Variants in CCSER1 observed in about 807,000 individuals in gnomAD.
CCSER1 encodes coiled-coil serine rich protein 1, also known as serine-rich coiled-coil domain-containing protein 1.
A neutral mutation model predicts 82.0 loss-of-function variants in CCSER1; 41 were observed. The ratio of observed to expected loss-of-function variants is 0.50; its 90% CI spans 0.39 to 0.65. CCSER1 has a LOEUF of 0.65. Among genes scored for constraint, CCSER1 ranks in the 30% least tolerant of loss-of-function variants. The probability of loss-of-function intolerance (pLI) is 0.00; values close to 1 mark genes in which losing one functional copy is unlikely to be tolerated. For synonymous variants in CCSER1, 414 were observed against 383.9 expected (o/e 1.08, Z -0.92); for missense variants, 1,119 against 1,064.2 (o/e 1.05, Z -0.72).
At chr4:90,446,277 C>T (rs1042614804) in intron 4 of CCSER1, among the ~76,000 whole-genome samples, 1 of 152,074 alleles carries the variant, frequency 6.6e-6, no homozygotes, top group Non-Finnish European at 1.5e-5. Context: ...AGAATTTGAG[C>T]TTTGGGGAGA....
intron 1 of CCSER1, among the ~76,000 whole-genome samples, chr4:90,144,040 G>A (rs1229837153): frequency 1.3e-5 from 2 of 152,128 alleles, no homozygotes; most frequent in African/African-American, 4.8e-5. Flanking sequence ...CCCATTACTT[G>A]TAAAGCCACT....
chr4:90,751,158 A>G (rs1173631449), intron 7 of CCSER1, among the ~76,000 whole-genome samples: 4 of 152,244 alleles, frequency 2.6e-5, no homozygotes, highest in African/African-American at 9.6e-5. Flanking sequence ...CTACACATAT[A>G]AAAAAGTAAG....
rs539912349 is a variant in CCSER1, at chr4:91,206,798, A to G, written c.2217+120804A>G. 3.3e-5 allele frequency among the ~76,000 whole-genome samples: 5 copies of G among 151,884 alleles called. No individual in the cohort carries two copies. In the East Asian group the frequency reaches 9.7e-4, roughly 29 times the overall value. On this transcript the variant is annotated intron_variant, in intron 10 of 10. Coordinates refer to ENST00000509176, the MANE Select transcript of CCSER1 (RefSeq NM_001145065.2). ...CTGTTTCACAAGAGATACGAGAAGT[A>G]CCTCTACTTTACTCTGCATATACCT...
At chr4:91,283,844 C>T (rs1210442062) in intron 10 of CCSER1, among the ~76,000 whole-genome samples, 5 of 152,032 alleles carry the variant, frequency 3.3e-5, no homozygotes, top group Non-Finnish European at 7.4e-5. Context: ...TACCTTCTCG[C>T]AGGCAATTAT....
At chr4:90,823,750 T>A (rs997198371) in intron 8 of CCSER1, among the ~76,000 whole-genome samples, 1 of 151,962 alleles carries the variant, frequency 6.6e-6, no homozygotes, top group Non-Finnish European at 1.5e-5. Context: ...TTTTTTATTT[T>A]AAAATGTTAA....
At chr4:91,310,229 C>T (rs189509708) in intron 10 of CCSER1, among the ~76,000 whole-genome samples, 1 of 151,790 alleles carries the variant, frequency 6.6e-6, no homozygotes, top group Non-Finnish European at 1.5e-5. Flanking sequence ...CAACATTGGC[C>T]TGATTGGCTG....
chr4:91,437,697 G>T (rs555625937), intron 10 of CCSER1, among the ~76,000 whole-genome samples: 2 of 152,198 alleles, frequency 1.3e-5, no homozygotes, highest in Admixed American at 6.5e-5. Context: ...CTCAGGAAGC[G>T]CAAGGGGTCA....
intron 9 of CCSER1, among the ~76,000 whole-genome samples, chr4:90,956,139 A>G (rs1028517766): frequency 3.3e-5 from 5 of 152,324 alleles, no homozygotes; most frequent in Non-Finnish European, 7.3e-5. Flanking sequence ...ATTAATTTCC[A>G]TAAATAAAAA....
At chr4:91,275,918 C>T (rs1022981552) in intron 10 of CCSER1, among the ~76,000 whole-genome samples, 9 of 152,068 alleles carry the variant, frequency 5.9e-5, no homozygotes, top group Non-Finnish European at 1.3e-4. Context: ...GAAGGGACTC[C>T]TTTACTCCAA....
At chr4:90,691,841 C>A (rs890331420) in intron 6 of CCSER1, among the ~76,000 whole-genome samples, 2 of 151,768 alleles carry the variant, frequency 1.3e-5, no homozygotes, top group Admixed American at 6.6e-5. Context: ...TTTCAATCCT[C>A]ACCCCCATTC....
At chr4:91,528,474 A>G (rs950853944) in intron 10 of CCSER1, among the ~76,000 whole-genome samples, 1 of 152,094 alleles carries the variant, frequency 6.6e-6, no homozygotes, top group East Asian at 1.9e-4. Flanking sequence ...TCCTTTTTCC[A>G]AAAAAAGAGA....
intron 1 of CCSER1, among the ~76,000 whole-genome samples, chr4:90,207,645 G>T (rs1356206333): frequency 6.6e-6 from 1 of 152,094 alleles, no homozygotes; most frequent in Non-Finnish European, 1.5e-5. Context: ...TCTACCTTTG[G>T]TCTTTGATGT....
At chr4:91,566,115 A>T (rs1349966035) in intron 10 of CCSER1, among the ~76,000 whole-genome samples, 1 of 151,978 alleles carries the variant, frequency 6.6e-6, no homozygotes, top group African/African-American at 2.4e-5. Flanking sequence ...GTTGAATTTT[A>T]TCAAAGGCCT....
intron 7 of CCSER1, among the ~76,000 whole-genome samples, chr4:90,804,903 G>A (rs899624922): frequency 6.6e-6 from 1 of 152,062 alleles, no homozygotes; most frequent in Non-Finnish European, 1.5e-5. Context: ...TCTTTAGTAG[G>A]TTATATCATA....
chr4:91,023,295 G>A (rs1420085085), intron 9 of CCSER1, among the ~76,000 whole-genome samples: 1 of 152,040 alleles, frequency 6.6e-6, no homozygotes, highest in Non-Finnish European at 1.5e-5. Context: ...TCACAGAATT[G>A]GAAAAAACTA....
At chr4:90,570,181 A>G (rs1034645846) in intron 5 of CCSER1, among the ~76,000 whole-genome samples, 1 of 152,130 alleles carries the variant, frequency 6.6e-6, no homozygotes, top group Non-Finnish European at 1.5e-5. Flanking sequence ...CTCCCTTCAT[A>G]AGACCAGCCC....
intron 6 of CCSER1, among the ~76,000 whole-genome samples, chr4:90,675,284 T>G (rs1733622487): frequency 6.6e-6 from 1 of 152,130 alleles, no homozygotes; most frequent in East Asian, 1.9e-4. Context: ...CTTATTTCAA[T>G]CTAGAAATAA....
At chr4:91,334,056 A>G (rs1747144228) in intron 10 of CCSER1, among the ~76,000 whole-genome samples, 1 of 152,152 alleles carries the variant, frequency 6.6e-6, no homozygotes. Flanking sequence ...AACAATTTAA[A>G]CACTTTAAAA....
intron 5 of CCSER1, among the ~76,000 whole-genome samples, chr4:90,487,937 G>A (rs551547178): frequency 2.3e-4 from 35 of 152,288 alleles, no homozygotes; most frequent in Admixed American, 7.8e-4. Flanking sequence ...ACCGCACCTG[G>A]CTTAATCTAG....
Sources: gnomAD v4.1 joint callset for allele counts (sites outside exome capture counted in the v4.1 genomes callset) on GRCh38, gnomAD v4.1.1 for gene constraint, MANE v1.5 for transcripts, NCBI Gene and HGNC (gene_info 2026-07-23, HGNC 2026-07-21) for gene names.